Variants in IQCM observed in about 807,000 individuals in gnomAD.
The protein encoded by IQCM is IQ domain-containing protein M.
In IQCM, 45 loss-of-function variants were observed where a neutral mutation model predicts 57.6. That is an observed-to-expected ratio of 0.78 (90% confidence interval 0.62 to 1.00). The LOEUF (loss-of-function observed/expected upper bound fraction) is 1.00. Among genes scored for constraint, IQCM ranks in the 50% least tolerant of loss-of-function variants. The pLI is 0.00. For missense variants in IQCM, 468 were observed against 511.6 expected, an observed-to-expected ratio of 0.91 and a Z score of 0.82; for synonymous variants, 148 against 158.9, an observed-to-expected ratio of 0.93 and a Z score of 0.51.
intron 9 of IQCM, among the ~76,000 whole-genome samples, chr4:149,585,069 T>G (rs1752535328): frequency 6.6e-6 from 1 of 151,794 alleles, no homozygotes. Flanking sequence ...TGTGGGTATG[T>G]GTAAATTAAT....
At chr4:149,765,155 A>T (rs1769918226) in intron 2 of IQCM, among the ~76,000 whole-genome samples, 1 of 152,128 alleles carries the variant, frequency 6.6e-6, no homozygotes. Flanking sequence ...ATTTAGCTAC[A>T]CTAATGCATC....
intron 7 of IQCM, among the ~76,000 whole-genome samples, chr4:149,646,950 C>T (rs961566252): frequency 6.6e-6 from 1 of 152,178 alleles, no homozygotes; most frequent in Non-Finnish European, 1.5e-5. Context: ...CACAACTGCA[C>T]TCCAACCTGG....
At chr4:149,705,693 G>A (rs1339586125) in intron 5 of IQCM, among the ~76,000 whole-genome samples, 1 of 151,822 alleles carries the variant, frequency 6.6e-6, no homozygotes, top group African/African-American at 2.4e-5. Context: ...TCTAGTACTG[G>A]CACCTTCTAG....
chr4:149,417,000 G>A (rs1210298639), intron 13 of IQCM, among the ~76,000 whole-genome samples: 3 of 152,034 alleles, frequency 2.0e-5, no homozygotes, highest in Admixed American at 6.6e-5. Context: ...AATAACTGAG[G>A]AATTGCTTTT....
chr4:149,686,423 C>G lies in IQCM; in HGVS notation c.431G>C (p.Ser144Thr). ...TTGCTTTGCTGTCTCCATTTTTTTACTCACTGGTTCAATAATAGTCATGAT... is the reference window on the plus strand; with the variant it reads ...TTGCTTTGCTGTCTCCATTTTTTTAGTCACTGGTTCAATAATAGTCATGAT... ...DKIMTIIEPV[S>T]KKMETAKQQH... The change falls in exon 6 of 14, where the codon AGT becomes ACT. Residue 144 changes from serine (S) to threonine (T), a missense_variant. Coordinates refer to ENST00000636793, the MANE Select transcript of IQCM (RefSeq NM_001363507.2). 1.6e-6 allele frequency: 2 copies of G among 1,228,026 alleles called. No homozygotes were observed. Among genetic ancestry groups the G allele is most frequent in the Non-Finnish European group, 2.0e-6 (2 of 984,806 alleles). 76.1% of individuals were successfully genotyped at this position (1,228,026 alleles called of 1,614,324 possible). A position where few individuals can be genotyped will look rare whatever the true frequency, so the allele number is the denominator to read the frequency against.
chr4:149,354,978 T>C (rs546761725), intron 13 of IQCM, among the ~76,000 whole-genome samples: 1 of 152,086 alleles, frequency 6.6e-6, no homozygotes, highest in Non-Finnish European at 1.5e-5. Context: ...TAAACCAATA[T>C]TTCTGTAAAA....
intron 7 of IQCM, among the ~76,000 whole-genome samples, chr4:149,632,585 A>C (rs557271430): frequency 1.3e-5 from 2 of 152,220 alleles, no homozygotes; most frequent in East Asian, 3.9e-4. Flanking sequence ...CAAAAGAGGA[A>C]AAAAAAAGAT....
At chr4:149,563,149 A>G (rs1750292083) in intron 10 of IQCM, among the ~76,000 whole-genome samples, 1 of 152,184 alleles carries the variant, frequency 6.6e-6, no homozygotes, top group South Asian at 2.1e-4. Flanking sequence ...ATATTTGTAT[A>G]TGTGTGTAAT....
intron 13 of IQCM, among the ~76,000 whole-genome samples, chr4:149,381,458 T>G (rs534214366): frequency 6.6e-6 from 1 of 152,208 alleles, no homozygotes; most frequent in African/African-American, 2.4e-5. Flanking sequence ...ACTATTCACC[T>G]CCTCATTGAC....
chr4:149,638,812 A>G (rs924286768), intron 7 of IQCM, among the ~76,000 whole-genome samples: 5 of 152,188 alleles, frequency 3.3e-5, no homozygotes, highest in African/African-American at 1.2e-4. Context: ...TACACCAAGA[A>G]GGAGAGCAGG....
intron 12 of IQCM, among the ~76,000 whole-genome samples, chr4:149,438,733 C>T (rs1475638986): frequency 8.6e-5 from 13 of 151,892 alleles, no homozygotes; most frequent in Non-Finnish European, 1.5e-4. Context: ...AACTTTCTTA[C>T]GTTTAGTTTC....
At chr4:149,469,463 T>C (rs1246417891) in intron 12 of IQCM, among the ~76,000 whole-genome samples, 1 of 152,138 alleles carries the variant, frequency 6.6e-6, no homozygotes, top group African/African-American at 2.4e-5. Flanking sequence ...TCAAGAAATA[T>C]GGGACTATGT....
chr4:149,441,174 C>T (rs758084362), intron 12 of IQCM, among the ~76,000 whole-genome samples: 11 of 152,006 alleles, frequency 7.2e-5, no homozygotes, highest in Non-Finnish European at 1.0e-4. Flanking sequence ...CTACAACTTC[C>T]AATAACTTTA....
chr4:149,621,393 G>A, intron 7 of IQCM, 149 bp from the exon 8 acceptor site: 1 of 401,262 alleles, frequency 2.5e-6, no homozygotes, highest in Non-Finnish European at 4.3e-6. Flanking sequence ...TCTAATCGTA[G>A]AGAAATGAAG....
chr4:149,441,371 G>A (rs906742642), intron 12 of IQCM, among the ~76,000 whole-genome samples: 1 of 152,048 alleles, frequency 6.6e-6, no homozygotes, highest in Admixed American at 6.6e-5. Context: ...TGATGAGACA[G>A]GAATAAGCAA....
intron 12 of IQCM, among the ~76,000 whole-genome samples, chr4:149,478,389 C>A (rs1353077150): frequency 6.6e-6 from 1 of 152,144 alleles, no homozygotes; most frequent in East Asian, 1.9e-4. Context: ...GCCTATTCTC[C>A]AGCCTGGAAC....
chr4:149,400,271 T>G lies in IQCM; in HGVS notation c.1390+33125A>C, dbSNP rs1026562537. Among the ~76,000 whole-genome samples, 3 of 151,788 alleles carry G rather than the reference T, an allele frequency of 2.0e-5. No homozygotes were observed. In the Admixed American group the frequency reaches 2.0e-4, roughly 10 times the overall value. On this transcript the variant is annotated intron_variant, in intron 13 of 13. Transcript: ENST00000636793. ...TTCCTACATCCTTCTGCTTAGAACA[T>G]GGACCTTAAATTATAATGGTACGTG... is the stretch of plus-strand genomic sequence containing the variant.
At chr4:149,622,621 C>T (rs2150076328) in intron 7 of IQCM, among the ~76,000 whole-genome samples, 1 of 152,238 alleles carries the variant, frequency 6.6e-6, no homozygotes, top group African/African-American at 2.4e-5. Flanking sequence ...TGTAGAGAAT[C>T]TGAGCATTTT....
intron 2 of IQCM, among the ~76,000 whole-genome samples, chr4:149,803,890 G>A (rs2150053930): frequency 6.6e-6 from 1 of 151,986 alleles, no homozygotes; most frequent in South Asian, 2.1e-4. Flanking sequence ...GGTAAGATGA[G>A]AGAGGAAATG....
Sources: allele counts gnomAD v4.1 joint callset (sites outside exome capture counted in the v4.1 genomes callset), GRCh38; gene constraint gnomAD v4.1.1; transcripts MANE v1.5; gene names NCBI Gene and HGNC (gene_info 2026-07-23, HGNC 2026-07-21).